LRFN5: variants seen among roughly 807,000 people sequenced by gnomAD.
LRFN5 encodes leucine-rich repeat and fibronectin type-III domain-containing protein 5.
A neutral mutation model predicts 45.6 loss-of-function variants in LRFN5; 24 were observed. The observed-to-expected ratio is 0.53, with a 90% CI of 0.38 to 0.74. The LOEUF (loss-of-function observed/expected upper bound fraction) is 0.74, where lower values mean the gene tolerates loss of function less well. Ranked by LOEUF, LRFN5 falls within the 30% of genes least tolerant of loss-of-function variation. The pLI is 0.00. For missense variants in LRFN5, 776 were observed against 861.5 expected (o/e 0.90, Z 1.24); for synonymous variants, 340 against 313.8 (o/e 1.08, Z -0.88).
chr14:41,757,219 G>T (rs1470857264), intron 1 of LRFN5, among the ~76,000 whole-genome samples: 4 of 152,208 alleles, frequency 2.6e-5, no homozygotes, highest in African/African-American at 7.2e-5. Flanking sequence ...CCCACTTGAG[G>T]AGGCAGTCTG....
intron 1 of LRFN5, among the ~76,000 whole-genome samples, chr14:41,734,622 CTT>C (rs1388977042): frequency 6.6e-5 from 10 of 150,776 alleles, no homozygotes; most frequent in Non-Finnish European, 3.0e-5. Flanking sequence ...CACTCAGCCT[CTT>C]TATGTCTTTC....
At chr14:41,704,440 C>CTGTGTGTGTG (rs1207281360) in intron 1 of LRFN5, among the ~76,000 whole-genome samples, 19,019 of 124,038 alleles carry the variant, frequency 0.15, 1,815 homozygotes, top group Non-Finnish European at 0.21. Flanking sequence ...CTCTCTCTCT[C>CTGTGTGTGTG]TCTCTCTCTG....
chr14:41,674,319 G>C (rs1216989426), intron 1 of LRFN5, among the ~76,000 whole-genome samples: 5 of 137,522 alleles, frequency 3.6e-5, no homozygotes, highest in Non-Finnish European at 7.9e-5. Flanking sequence ...GCGGCTGGCC[G>C]GGCGGGGGGC....
At chr14:41,720,670 T>G (rs1309674519) in intron 1 of LRFN5, among the ~76,000 whole-genome samples, 2 of 152,164 alleles carry the variant, frequency 1.3e-5, no homozygotes, top group Non-Finnish European at 2.9e-5. Context: ...AGTTGTTTAA[T>G]TTCCATGTGC....
At chr14:41,697,683 C>A (rs1366702091) in intron 1 of LRFN5, among the ~76,000 whole-genome samples, 1 of 144,160 alleles carries the variant, frequency 6.9e-6, no homozygotes, top group African/African-American at 2.6e-5. Context: ...AGGAGAGTTT[C>A]TTGTTTCCAT....
chr14:41,697,011 A>G (rs1014011464), intron 1 of LRFN5, among the ~76,000 whole-genome samples: 1 of 151,994 alleles, frequency 6.6e-6, no homozygotes, highest in Non-Finnish European at 1.5e-5. Context: ...CAGTTTTTGT[A>G]TCTTTCAATT....
At chr14:41,613,655 G>T (rs1277645053) in intron 1 of LRFN5, among the ~76,000 whole-genome samples, 1 of 151,758 alleles carries the variant, frequency 6.6e-6, no homozygotes, top group African/African-American at 2.4e-5. Context: ...CTCTAGAAAA[G>T]AAGTAATACA....
At chr14:41,693,270 A>G (rs1329377659) in intron 1 of LRFN5, among the ~76,000 whole-genome samples, 3 of 152,132 alleles carry the variant, frequency 2.0e-5, no homozygotes, top group Admixed American at 2.0e-4. Context: ...GGCAGTTTCT[A>G]TAATAAACCC....
chr14:41,674,761 C>T (rs12897092), intron 1 of LRFN5, among the ~76,000 whole-genome samples: 2 of 151,656 alleles, frequency 1.3e-5, no homozygotes, highest in Non-Finnish European at 2.9e-5. Context: ...TCCTCACTTC[C>T]CAGACGGGGT....
At chr14:41,855,593 C>T (rs1475673379) in intron 2 of LRFN5, among the ~76,000 whole-genome samples, 2 of 152,074 alleles carry the variant, frequency 1.3e-5, no homozygotes, top group Admixed American at 6.6e-5. Context: ...AATATTTTAG[C>T]CATTTAGCAT....
At chr14:41,844,436 CA>C (rs35445324) in intron 2 of LRFN5, among the ~76,000 whole-genome samples, 82 of 138,532 alleles carry the variant, frequency 5.9e-4, no homozygotes, top group Admixed American at 8.0e-4. Flanking sequence ...GACTCCGTCT[CA>C]AAAAAAAAAA....
At chr14:41,864,404 G>A (rs974480351) in intron 2 of LRFN5, among the ~76,000 whole-genome samples, 7 of 152,136 alleles carry the variant, frequency 4.6e-5, no homozygotes, top group African/African-American at 1.7e-4. Context: ...GTTTTGATTT[G>A]CATTTCTCTA....
At position 41,634,981 on chromosome 14, in the gene LRFN5, T is replaced by C. The variant is rs974888602; in HGVS notation, c.-197+26419T>C. 2.0e-5 allele frequency among the ~76,000 whole-genome samples: 3 copies of C among 152,164 alleles called. No individual in the cohort carries two copies. The East Asian group carries it at 5.8e-4, about 29-fold the overall frequency. On this transcript the variant is annotated intron_variant, in intron 1 of 5. Transcript: ENST00000298119. ...ATTACATTTAAACAGTTTTATTTTA[T>C]GCTGTTTTTTAAAATTTTCTAACTA... is the stretch of plus-strand genomic sequence containing the variant.
At chr14:41,643,134 ATTTTGTTG>A (rs1879656474) in intron 1 of LRFN5, among the ~76,000 whole-genome samples, 1 of 152,176 alleles carries the variant, frequency 6.6e-6, no homozygotes, top group Non-Finnish European at 1.5e-5. Context: ...CTCCCTACAT[ATTTTGTTG>A]ATAAGCTAAT....
At chr14:41,786,668 A>C (rs1886733138) in intron 2 of LRFN5, among the ~76,000 whole-genome samples, 1 of 150,560 alleles carries the variant, frequency 6.6e-6, no homozygotes, top group Non-Finnish European at 1.5e-5. Context: ...TTATTTTTGG[A>C]AATTTTAGCC....
chr14:41,877,931 A>C (rs1288105259), intron 2 of LRFN5, among the ~76,000 whole-genome samples: 1 of 152,134 alleles, frequency 6.6e-6, no homozygotes, highest in Non-Finnish European at 1.5e-5. Flanking sequence ...TATTACATTC[A>C]ATGTACTTAG....
intron 1 of LRFN5, among the ~76,000 whole-genome samples, chr14:41,737,495 G>A (rs947225694): frequency 6.6e-5 from 10 of 152,044 alleles, no homozygotes; most frequent in South Asian, 2.1e-4. Context: ...TTGGAAGTTC[G>A]GAGCAGGGCA....
At chr14:41,663,765 G>GA (rs34853463) in intron 1 of LRFN5, among the ~76,000 whole-genome samples, 152 of 152,048 alleles carry the variant, frequency 1.0e-3, no homozygotes, top group African/African-American at 3.4e-3. Context: ...TCACAAAGGG[G>GA]AACACATATT....
chr14:41,674,549 G>C (rs1219697992), intron 1 of LRFN5, among the ~76,000 whole-genome samples: 1 of 143,142 alleles, frequency 7.0e-6, no homozygotes, highest in African/African-American at 2.6e-5. Flanking sequence ...TGGCCGGGCA[G>C]GGGGCTGACC....
Sources: allele counts gnomAD v4.1 joint callset (sites outside exome capture counted in the v4.1 genomes callset), GRCh38; gene constraint gnomAD v4.1.1; transcripts MANE v1.5; gene names NCBI Gene and HGNC (gene_info 2026-07-23, HGNC 2026-07-21).